KCNIP4: variants seen among roughly 807,000 people sequenced by gnomAD.
KCNIP4 encodes the protein potassium voltage-gated channel interacting protein 4, also known as Kv channel-interacting protein 4.
Under a neutral mutation model 34.0 loss-of-function variants are expected in KCNIP4, and 12 were observed. The observed-to-expected ratio is 0.35, with a 90% confidence interval of 0.23 to 0.57. The LOEUF (loss-of-function observed/expected upper bound fraction) is 0.57, where lower values mean the gene tolerates loss of function less well. Ranked by LOEUF, KCNIP4 falls within the 20% of genes least tolerant of loss-of-function variation. The probability of loss-of-function intolerance (pLI) is 0.83; values close to 1 mark genes in which losing one functional copy is unlikely to be tolerated. For missense variants in KCNIP4, 238 were observed against 311.7 expected, an observed-to-expected ratio of 0.76 and a Z score of 1.78; for synonymous variants, 124 against 102.2, an observed-to-expected ratio of 1.21 and a Z score of -1.29.
chr4:21,504,860 G>A (rs1163342411), intron 1 of KCNIP4, among the ~76,000 whole-genome samples: 1 of 152,146 alleles, frequency 6.6e-6, no homozygotes, highest in Non-Finnish European at 1.5e-5. Context: ...CAAATTTGCT[G>A]CCCATTTTAC....
chr4:21,814,893 T>C (rs1721899631), intron 1 of KCNIP4, among the ~76,000 whole-genome samples: 1 of 152,186 alleles, frequency 6.6e-6, no homozygotes, highest in African/African-American at 2.4e-5. Flanking sequence ...ACACAGAACT[T>C]GTTTCCATAA....
chr4:20,965,379 A>AT (rs1008720505), intron 1 of KCNIP4, among the ~76,000 whole-genome samples: 1 of 152,152 alleles, frequency 6.6e-6, no homozygotes, highest in Non-Finnish European at 1.5e-5. Flanking sequence ...CACTGACACC[A>AT]TTTATAATGA....
chr4:20,869,041 G>T (rs1203788002), intron 2 of KCNIP4, among the ~76,000 whole-genome samples: 1 of 152,088 alleles, frequency 6.6e-6, no homozygotes, highest in East Asian at 1.9e-4. Flanking sequence ...AAAATATCAT[G>T]CCTAATTCAT....
intron 3 of KCNIP4, among the ~76,000 whole-genome samples, chr4:20,831,974 T>C (rs1162147802): frequency 6.6e-6 from 1 of 152,180 alleles, no homozygotes; most frequent in Admixed American, 6.5e-5. Flanking sequence ...CTAAAATAAT[T>C]ACAGACCACA....
chr4:21,038,420 G>C (rs1017348322), intron 1 of KCNIP4, among the ~76,000 whole-genome samples: 4 of 152,138 alleles, frequency 2.6e-5, no homozygotes, highest in African/African-American at 9.7e-5. Flanking sequence ...ATGCAGGACA[G>C]TTTATGACTC....
intron 1 of KCNIP4, among the ~76,000 whole-genome samples, chr4:21,329,728 A>G (rs1458218941): frequency 2.0e-5 from 3 of 152,186 alleles, no homozygotes; most frequent in Non-Finnish European, 4.4e-5. Context: ...GCCAAAAAGA[A>G]AGAGCACTCC....
chr4:21,102,824 A>C (rs1174678553), intron 1 of KCNIP4, among the ~76,000 whole-genome samples: 1 of 152,168 alleles, frequency 6.6e-6, no homozygotes, highest in African/African-American at 2.4e-5. Context: ...ATGATGCAAA[A>C]GTCCCTCTGT....
intron 4 of KCNIP4, among the ~76,000 whole-genome samples, chr4:20,758,145 A>T (rs1754639298): frequency 1.3e-5 from 2 of 152,182 alleles, no homozygotes; most frequent in African/African-American, 4.8e-5. Context: ...TCTGTTAGGT[A>T]ATTGAAAGAA....
intron 1 of KCNIP4, among the ~76,000 whole-genome samples, chr4:21,105,258 CTTT>C (rs1355606673): frequency 1.3e-5 from 2 of 151,544 alleles, no homozygotes; most frequent in African/African-American, 2.4e-5. Flanking sequence ...TCTTTGTATC[CTTT>C]TTTATTTCAT....
intron 1 of KCNIP4, among the ~76,000 whole-genome samples, chr4:21,420,809 G>C (rs767274104): frequency 1.3e-5 from 2 of 152,094 alleles, no homozygotes; most frequent in South Asian, 2.1e-4. Flanking sequence ...AAACCAAAAA[G>C]CTTCTGTACA....
chr4:21,315,874 T>C (rs1713697328), intron 1 of KCNIP4, among the ~76,000 whole-genome samples: 1 of 152,194 alleles, frequency 6.6e-6, no homozygotes, highest in South Asian at 2.1e-4. Context: ...ATATTTCATT[T>C]TGCAGAATGA....
chr4:21,211,946 T>C (rs565884728), intron 1 of KCNIP4, among the ~76,000 whole-genome samples: 16 of 152,028 alleles, frequency 1.1e-4, no homozygotes, highest in Non-Finnish European at 2.2e-4. Context: ...AAAGCAAAAG[T>C]CCACTTCAGG....
At chr4:21,017,041 C>A (rs149883358) in intron 1 of KCNIP4, among the ~76,000 whole-genome samples, 1 of 152,230 alleles carries the variant, frequency 6.6e-6, no homozygotes, top group Non-Finnish European at 1.5e-5. Flanking sequence ...AGATCTGAAT[C>A]ACACAATTCA....
chr4:21,627,315 G>T (rs971141728), intron 1 of KCNIP4, among the ~76,000 whole-genome samples: 1 of 151,912 alleles, frequency 6.6e-6, no homozygotes, highest in African/African-American at 2.4e-5. Context: ...TTGAGCTCTT[G>T]GTTATAAATT....
At chr4:21,237,472 C>T (rs1759451728) in intron 1 of KCNIP4, among the ~76,000 whole-genome samples, 1 of 151,984 alleles carries the variant, frequency 6.6e-6, no homozygotes. Context: ...AGCCCTCACA[C>T]ATTAAAAGTA....
At chr4:21,835,551 A>G (rs1294923379) in intron 1 of KCNIP4, among the ~76,000 whole-genome samples, 1 of 151,040 alleles carries the variant, frequency 6.6e-6, no homozygotes, top group Non-Finnish European at 1.5e-5. Flanking sequence ...CACCAACTTT[A>G]GAAAAGTTTT....
chr4:20,755,312 C>T (rs1476973974), intron 4 of KCNIP4, among the ~76,000 whole-genome samples: 1 of 151,984 alleles, frequency 6.6e-6, no homozygotes, highest in Non-Finnish European at 1.5e-5. Flanking sequence ...TAGCTAAAAC[C>T]AAATGGATTA....
chr4:21,869,795 C>T (rs560330568), intron 1 of KCNIP4, among the ~76,000 whole-genome samples: 2 of 151,218 alleles, frequency 1.3e-5, no homozygotes, highest in Admixed American at 6.6e-5. Context: ...GACAGACAGA[C>T]AGATAGATAG....
At chr4:21,111,504 C>A (rs903083821) in intron 1 of KCNIP4, among the ~76,000 whole-genome samples, 5 of 152,180 alleles carry the variant, frequency 3.3e-5, no homozygotes, top group African/African-American at 1.2e-4. Context: ...CCTTTGAAGT[C>A]CTTCTCATCT....
Sources: allele counts gnomAD v4.1 joint callset (sites outside exome capture counted in the v4.1 genomes callset), GRCh38; gene constraint gnomAD v4.1.1; transcripts MANE v1.5; gene names NCBI Gene and HGNC (gene_info 2026-07-23, HGNC 2026-07-21).